TTC7B: variants seen among roughly 807,000 people sequenced by gnomAD.
TTC7B encodes the protein tetratricopeptide repeat protein 7B.
Under a neutral mutation model 106.8 loss-of-function variants are expected in TTC7B, and 28 were observed. That is an observed-to-expected ratio of 0.26 (90% CI 0.19 to 0.36). TTC7B has a LOEUF of 0.36. Among genes scored for constraint, TTC7B ranks in the 10% least tolerant of loss-of-function variants. The probability of loss-of-function intolerance (pLI) is 1.00; values close to 1 mark genes in which losing one functional copy is unlikely to be tolerated. For synonymous variants in TTC7B, 405 were observed against 430.6 expected, an observed-to-expected ratio of 0.94 and a Z score of 0.74; for missense variants, 862 against 1,076.4, an observed-to-expected ratio of 0.80 and a Z score of 2.79.
At chr14:90,667,177 C>A (rs777961647) in intron 9 of TTC7B, among the ~76,000 whole-genome samples, 2 of 152,310 alleles carry the variant, frequency 1.3e-5, no homozygotes, top group African/African-American at 4.8e-5. Context: ...GTTGAGAGTG[C>A]GGCAGCCTGG....
Position 90,570,601 on chromosome 14 carries a change from A to G in TTC7B, c.2310+7505T>C, listed in dbSNP as rs762055779. Among the ~76,000 whole-genome samples the G allele has an allele frequency of 3.3e-5, 5 of 152,154 alleles. No individual in the cohort carries two copies. The highest frequency in any genetic ancestry group is 7.3e-5 in the Non-Finnish European group (5 of 68,036). ...CGCGGCCGACCACGCACCGAGATAT[A>G]TTCTCATTTCGGCTCCTCCAACCAG... is the stretch of plus-strand genomic sequence containing the variant. On this transcript the variant is annotated intron_variant, in intron 19 of 19. Coordinates refer to ENST00000328459, the MANE Select transcript of TTC7B (RefSeq NM_001010854.2). This position sits in a 1 kb window ranked among gnomAD's most constrained non-coding sequence, Gnocchi z 4.0.
intron 1 of TTC7B, among the ~76,000 whole-genome samples, chr14:90,809,518 G>A (rs1374477205): frequency 6.6e-6 from 1 of 152,196 alleles, no homozygotes; most frequent in East Asian, 1.9e-4. Context: ...TGACAACCAG[G>A]GAACCTCTGG....
rs541545259 is a variant in TTC7B, at chr14:90,744,986, A to T, written c.446-64T>A. ...TTTTCATAAGGCTTCATTTTTAAAT[A>T]TTGCTCTAGAGGGCCAGAAGATGGC... On this transcript the variant is annotated intron_variant, in intron 3 of 19. Transcript: ENST00000328459. 4 of 1,547,848 alleles carry T rather than the reference A, an allele frequency of 2.6e-6. No homozygotes were observed. The African/African-American group carries it at 5.4e-5, about 21-fold the overall frequency.
At chr14:90,554,602 C>T (rs982187965) in intron 19 of TTC7B, among the ~76,000 whole-genome samples, 6 of 152,208 alleles carry the variant, frequency 3.9e-5, no homozygotes, top group Non-Finnish European at 8.8e-5. Flanking sequence ...CTCTTGCCCT[C>T]GCTCAAGGCT....
intron 15 of TTC7B, among the ~76,000 whole-genome samples, chr14:90,632,777 C>T (rs1884758139): frequency 6.6e-6 from 1 of 152,170 alleles, no homozygotes. Flanking sequence ...TTCTCTGTGC[C>T]TCAGTTTCCT....
chr14:90,797,185 T>TG lies in TTC7B; in HGVS notation c.122-10858dup, dbSNP rs576904713. On this transcript the variant is annotated intron_variant, in intron 1 of 19. Transcript: ENST00000328459. ...TTAAGGCTCAGAAGGCCAGGTGCAG[T>TG]GGCTCACACCTGTAATCCCAGCACT... Among the ~76,000 whole-genome samples the TG allele has an allele frequency of 1.5e-3, 180 of 123,608 alleles. 10 individuals are homozygous for TG. Among genetic ancestry groups the TG allele is most frequent in the African/African-American group, 4.2e-3 (165 of 39,274 alleles). The allele number at this position is 123,608 out of a possible 152,430, so 81.1% of individuals were successfully genotyped here. A position where few individuals can be genotyped will look rare whatever the true frequency, so the allele number is the denominator to read the frequency against.
chr14:90,687,544 T>C (rs540519868), intron 7 of TTC7B, among the ~76,000 whole-genome samples: 2 of 152,282 alleles, frequency 1.3e-5, no homozygotes, highest in African/African-American at 2.4e-5. Flanking sequence ...AGGTCCTTAA[T>C]GCACCTGGCA....
At chr14:90,672,934 T>C (rs1304909021) in intron 9 of TTC7B, among the ~76,000 whole-genome samples, 2 of 152,194 alleles carry the variant, frequency 1.3e-5, no homozygotes, top group African/African-American at 4.8e-5. Flanking sequence ...CTGTCTGAGA[T>C]ATACATGCAC....
chr14:90,637,963 C>A (rs923334942), intron 15 of TTC7B, among the ~76,000 whole-genome samples: 4 of 152,114 alleles, frequency 2.6e-5, no homozygotes, highest in African/African-American at 4.8e-5. Flanking sequence ...AGTGGTGCAG[C>A]CTTGACTTCC....
chr14:90,745,825 C>A (rs916389966), intron 3 of TTC7B, among the ~76,000 whole-genome samples: 1 of 151,900 alleles, frequency 6.6e-6, no homozygotes, highest in Admixed American at 6.6e-5. Flanking sequence ...CTGTCTCAGC[C>A]TCCCAGGTAG....
chr14:90,664,292 C>T (rs973208950), intron 9 of TTC7B, among the ~76,000 whole-genome samples: 1 of 152,106 alleles, frequency 6.6e-6, no homozygotes, highest in African/African-American at 2.4e-5. Context: ...TATTTTGAGA[C>T]AGGGTCTTGC....
chr14:90,743,784 A>G (rs988089630), intron 4 of TTC7B, among the ~76,000 whole-genome samples: 24 of 15,380 alleles, frequency 1.6e-3, no homozygotes, highest in Non-Finnish European at 2.8e-3. Flanking sequence ...TATGGACGGA[A>G]AAAATCGAGG....
chr14:90,788,774 C>G (rs1047573141), intron 1 of TTC7B, among the ~76,000 whole-genome samples: 4 of 77,988 alleles, frequency 5.1e-5, no homozygotes, highest in African/African-American at 8.3e-5. Context: ...ATCAACCTGG[C>G]AAACATGGTG....
intron 1 of TTC7B, among the ~76,000 whole-genome samples, chr14:90,786,682 C>T (rs1180242102): frequency 2.0e-5 from 3 of 151,992 alleles, no homozygotes; most frequent in Admixed American, 6.6e-5. Context: ...CGGGTTCAAG[C>T]GATTCTCCTG....
intron 19 of TTC7B, among the ~76,000 whole-genome samples, chr14:90,558,956 G>C (rs959491045): frequency 1.3e-5 from 2 of 152,250 alleles, no homozygotes; most frequent in Non-Finnish European, 2.9e-5. Context: ...AAACTGCATA[G>C]GGGCGCGGAA....
intron 7 of TTC7B, among the ~76,000 whole-genome samples, chr14:90,688,976 G>C (rs1887358504): frequency 6.6e-6 from 1 of 152,030 alleles, no homozygotes; most frequent in Admixed American, 6.5e-5. Context: ...CTCATGCTAA[G>C]TCTATAGTGA....
rs1240980475 is a variant in TTC7B at position 90,759,040 on chromosome 14, G to T, written c.446-14118C>A. On this transcript the variant is annotated intron_variant, in intron 3 of 19. Transcript: ENST00000328459. The surrounding 1 kb of genome is among the most constrained non-coding windows in gnomAD (Gnocchi z 4.1). ...AACAAACCGTTCCTCTGTCTGTCTTGAGAGACTGCGGTGGGCCCTGCAGGG... is the reference window on the plus strand; with the variant it reads ...AACAAACCGTTCCTCTGTCTGTCTTTAGAGACTGCGGTGGGCCCTGCAGGG... Among the ~76,000 whole-genome samples the T allele has an allele frequency of 2.0e-5, 3 of 152,198 alleles. No homozygotes were observed. Among genetic ancestry groups the T allele is most frequent in the Admixed American group, 6.5e-5 (1 of 15,272 alleles).
chr14:90,752,580 T>C (rs1013429869), intron 3 of TTC7B, among the ~76,000 whole-genome samples: 2 of 152,212 alleles, frequency 1.3e-5, no homozygotes, highest in Non-Finnish European at 2.9e-5. Flanking sequence ...TATCTGGGTA[T>C]GTAAGACTTC....
chr14:90,621,877 C>T (rs185477306), intron 15 of TTC7B, among the ~76,000 whole-genome samples: 59 of 152,320 alleles, frequency 3.9e-4, no homozygotes, highest in African/African-American at 1.3e-3. Context: ...GTGTATGTTA[C>T]ATTAGCACAG....
Sources: gnomAD v4.1 joint callset for allele counts (sites outside exome capture counted in the v4.1 genomes callset) on GRCh38, gnomAD v4.1.1 for gene constraint, Gnocchi (gnomAD v3.1) non-coding constraint, MANE v1.5 for transcripts, NCBI Gene and HGNC (gene_info 2026-07-23, HGNC 2026-07-21) for gene names.